Variants in ITPR2 observed in about 807,000 individuals in gnomAD.
ITPR2 encodes inositol 1,4,5-trisphosphate receptor type 2, also known as inositol 1,4,5-trisphosphate-gated calcium channel ITPR2.
Under a neutral mutation model 317.1 loss-of-function variants are expected in ITPR2, and 207 were observed. The observed-to-expected ratio is 0.65, with a 90% CI of 0.58 to 0.73. The LOEUF (loss-of-function observed/expected upper bound fraction) is 0.73, where lower values mean the gene tolerates loss of function less well. Ranked by LOEUF, ITPR2 falls within the 30% of genes least tolerant of loss-of-function variation. ITPR2 has a pLI of 0.00. For missense variants in ITPR2, 2,613 were observed against 3,284.0 expected (o/e 0.80, Z 4.99); for synonymous variants, 1,156 against 1,149.1 (o/e 1.01, Z -0.12).
At chr12:26,771,844 T>G (rs1253535795) in intron 2 of ITPR2, among the ~76,000 whole-genome samples, 1 of 152,144 alleles carries the variant, frequency 6.6e-6, no homozygotes, top group Non-Finnish European at 1.5e-5. Context: ...TTGGGGGGAT[T>G]TATGTCACAG....
At chr12:26,378,660 G>T (rs1206367226) in intron 55 of ITPR2, among the ~76,000 whole-genome samples, 1 of 152,176 alleles carries the variant, frequency 6.6e-6, no homozygotes, top group Non-Finnish European at 1.5e-5. Context: ...GTGGTCCTGG[G>T]AGGGCAATGA....
intron 2 of ITPR2, among the ~76,000 whole-genome samples, chr12:26,736,083 C>T (rs1044374722): frequency 6.6e-6 from 1 of 152,178 alleles, no homozygotes; most frequent in African/African-American, 2.4e-5. Flanking sequence ...TGCCAAGTTA[C>T]CTGAGAAACA....
intron 1 of ITPR2, among the ~76,000 whole-genome samples, chr12:26,822,508 TTCTTAATA>T (rs1950952605): frequency 1.7e-5 from 2 of 120,828 alleles, no homozygotes; most frequent in East Asian, 8.3e-4. Flanking sequence ...ATTAAAATAG[TTCTTAATA>T]GTTCTTAATA....
chr12:26,498,026 G>A (rs769008613), intron 37 of ITPR2, among the ~76,000 whole-genome samples: 5 of 152,130 alleles, frequency 3.3e-5, no homozygotes, highest in East Asian at 1.9e-4. Flanking sequence ...ATGAGCCACC[G>A]TGCCCGGTCA....
In ITPR2 at chr12:26,338,418, A is replaced by G. The variant is rs569921254; in HGVS notation, c.*979T>C. The G allele has an allele frequency of 6.5e-6, 1 of 152,748 alleles. No individual in the cohort carries two copies. The highest frequency in any genetic ancestry group is 2.4e-5 in the African/African-American group (1 of 41,568). 9.5% of individuals were successfully genotyped at this position (152,748 alleles called of 1,614,324 possible). On this transcript the variant is annotated 3_prime_UTR_variant, in exon 57 of 57. Coordinates refer to ENST00000381340, the MANE Select transcript of ITPR2 (RefSeq NM_002223.4). The stretch of plus-strand genomic sequence containing the variant: ...TTTCCTAACTGCAGGAACAGCATAC[A>G]TAAAAACGCTCGGGTCCTGAAGCAA...
chr12:26,589,329 T>C (rs1413459459), intron 32 of ITPR2, among the ~76,000 whole-genome samples: 1 of 151,810 alleles, frequency 6.6e-6, no homozygotes, highest in Non-Finnish European at 1.5e-5. Context: ...GAAATGCCAA[T>C]AGGAAAATGA....
rs144321242 is a variant in ITPR2, at chr12:26,530,412, A to C, written c.5073+19835T>G. Among the ~76,000 whole-genome samples the C allele has an allele frequency of 4.6e-5, 7 of 152,350 alleles. No individual in the cohort carries two copies. The East Asian group carries it at 1.3e-3, about 29-fold the overall frequency. On this transcript the variant is annotated intron_variant, in intron 37 of 56. Transcript: ENST00000381340. ...AAAGTTCATTGTTTGTGTTGCCAAC[A>C]GTCATCATCTTCAGATGATACTGTT...
chr12:26,459,850 T>C (rs147278261), intron 45 of ITPR2, among the ~76,000 whole-genome samples: 1 of 152,334 alleles, frequency 6.6e-6, no homozygotes, highest in African/African-American at 2.4e-5. Context: ...TAGTATCAAC[T>C]GCCTGTTGTA....
rs1474135911 is a variant in ITPR2, at chr12:26,831,811, T to C, written c.92+879A>G. Among the ~76,000 whole-genome samples the C allele has an allele frequency of 7.2e-6, 1 of 139,758 alleles. No homozygotes were observed. The highest frequency in any genetic ancestry group is 1.5e-5 in the Non-Finnish European group (1 of 65,206). The allele number at this position is 139,758 out of a possible 152,430, so 91.7% of individuals were successfully genotyped here. On this transcript the variant is annotated intron_variant, in intron 1 of 56. Transcript: ENST00000381340. This position sits in a 1 kb window ranked among gnomAD's most constrained non-coding sequence, Gnocchi z 4.9. ...ATAAATATATATTATACATAAAATA[T>C]ATAAATATATATTATACATAAAATA...
At chr12:26,404,619 A>G (rs1407436661) in intron 52 of ITPR2, among the ~76,000 whole-genome samples, 2 of 152,186 alleles carry the variant, frequency 1.3e-5, no homozygotes, top group African/African-American at 2.4e-5. Context: ...GGGTCGGTCA[A>G]CTGTTTTATA....
chr12:26,655,873 T>A lies in ITPR2; in HGVS notation c.2445-21A>T. ...CATATCTGGAAATAGAGAAAGAAGA[T>A]AACGCAAGTTAAACTGATTGCAATC... On this transcript the variant is annotated intron_variant, in intron 19 of 56. Coordinates refer to ENST00000381340, the MANE Select transcript of ITPR2 (RefSeq NM_002223.4). 3.1e-6 allele frequency: 5 copies of A among 1,595,848 alleles called. No homozygotes were observed. The African/African-American group carries it at 4.0e-5, about 13-fold the overall frequency.
chr12:26,764,511 G>A (rs946274461), intron 2 of ITPR2, among the ~76,000 whole-genome samples: 14 of 151,838 alleles, frequency 9.2e-5, no homozygotes, highest in African/African-American at 1.5e-4. Flanking sequence ...AAACTTTAAC[G>A]CTCAACAACA....
intron 15 of ITPR2, among the ~76,000 whole-genome samples, chr12:26,660,133 A>T (rs1947464544): frequency 6.6e-6 from 1 of 152,184 alleles, no homozygotes; most frequent in Admixed American, 6.5e-5. Flanking sequence ...AGGTAGTAGA[A>T]CCAAGCTTAT....
intron 2 of ITPR2, among the ~76,000 whole-genome samples, chr12:26,775,933 C>CATATATATAT: frequency 0.057 from 4,901 of 85,354 alleles, 885 homozygotes; most frequent in Non-Finnish European, 0.073. Flanking sequence ...CTCCCCTTTA[C>CATATATATAT]ATATATATAT....
chr12:26,617,720 G>GAAGGAGAGA (rs879814979), intron 26 of ITPR2, among the ~76,000 whole-genome samples: 9,750 of 110,996 alleles, frequency 0.088, 271 homozygotes, highest in East Asian at 0.27. Flanking sequence ...AGGAGGGAAG[G>GAAGGAGAGA]AGGAAGGGAG....
At chr12:26,595,862 A>C (rs894286263) in intron 31 of ITPR2, among the ~76,000 whole-genome samples, 9 of 152,166 alleles carry the variant, frequency 5.9e-5, no homozygotes, top group Non-Finnish European at 1.3e-4. Flanking sequence ...TTTGAGATAC[A>C]AGGAGTCAAA....
Position 26,596,902 on chromosome 12 carries a change from T to A in ITPR2, c.4235A>T (p.His1412Leu), listed in dbSNP as rs1945859995. The A allele has an allele frequency of 6.4e-7, 1 of 1,556,526 alleles. No individual in the cohort carries two copies. Among genetic ancestry groups the A allele is most frequent in the African/African-American group, 1.4e-5 (1 of 73,430 alleles). Residue 1412 changes from histidine to leucine, a missense_variant, in exon 31 of 57, where the codon CAT (histidine) becomes CTT (leucine). Coordinates refer to ENST00000381340, the MANE Select transcript of ITPR2 (RefSeq NM_002223.4). ...GCTTACCTCAGGGATGCAGTCGTCA[T>A]GGGTCACCACCCTCACTATGTCGTC... is the stretch of plus-strand genomic sequence containing the variant. ...PLDDIVRVVT[H>L]DDCIPEVKIA...
intron 1 of ITPR2, 92 bp downstream of exon 1, chr12:26,832,597 CG>C: frequency 2.2e-6 from 2 of 928,512 alleles, no homozygotes; most frequent in Non-Finnish European, 3.2e-6. Context: ...CCACCACGCG[CG>C]GCAGCGGGAG....
At chr12:26,629,853 G>C (rs1946708688) in intron 22 of ITPR2, among the ~76,000 whole-genome samples, 1 of 152,104 alleles carries the variant, frequency 6.6e-6, no homozygotes, top group Admixed American at 6.6e-5. Flanking sequence ...TAATTCACCA[G>C]ACATGCGTTA....
Sources: allele counts gnomAD v4.1 joint callset (sites outside exome capture counted in the v4.1 genomes callset), GRCh38; gene constraint gnomAD v4.1.1; non-coding constraint Gnocchi (gnomAD v3.1); transcripts MANE v1.5; gene names NCBI Gene and HGNC (gene_info 2026-07-23, HGNC 2026-07-21).